Variants in SHANK1 observed in about 807,000 individuals in gnomAD.
SHANK1 encodes SH3 and multiple ankyrin repeat domains 1.
Under a neutral mutation model 165.6 loss-of-function variants are expected in SHANK1, and 35 were observed. The ratio of observed to expected loss-of-function variants is 0.21; its 90% CI spans 0.16 to 0.28. The LOEUF is 0.28. Among genes scored for constraint, SHANK1 ranks in the 10% least tolerant of loss-of-function variants. The pLI, the probability that SHANK1 is intolerant of heterozygous loss-of-function variation, is 1.00. For missense variants in SHANK1, 2,681 were observed against 3,036.4 expected, an observed-to-expected ratio of 0.88 and a Z score of 2.75; for synonymous variants, 1,428 against 1,384.8, an observed-to-expected ratio of 1.03 and a Z score of -0.69.
rs1352832473 is a variant in SHANK1 at position 50,702,249 on chromosome 19, C to T, written c.1747+218G>A. 3.3e-5 allele frequency among the ~76,000 whole-genome samples: 5 copies of T among 152,138 alleles called. No individual in the cohort carries two copies. Among genetic ancestry groups the T allele is most frequent in the East Asian group, 1.9e-4 (1 of 5,190 alleles). On this transcript the variant is annotated intron_variant, in intron 12 of 23. Transcript: ENST00000293441. This position sits in a 1 kb window ranked among gnomAD's most constrained non-coding sequence, Gnocchi z 5.3. ...TGCCCTGCACACGGCATCAGTGTCC[C>T]GCAGTGGGACACGGCTCACTTCACT...
At chr19:50,678,408 G>A (rs1271267932) in intron 21 of SHANK1, among the ~76,000 whole-genome samples, 1 of 151,924 alleles carries the variant, frequency 6.6e-6, no homozygotes, top group African/African-American at 2.4e-5. Flanking sequence ...ACCTGCATGG[G>A]GCACGGGGGC....
Position 50,667,892 on chromosome 19 carries a change from G to A in SHANK1, c.4068C>T (p.Ala1356=). The A allele has an allele frequency of 7.5e-7, 1 of 1,333,194 alleles. No individual in the cohort carries two copies. The highest frequency in any genetic ancestry group is 9.6e-7 in the Non-Finnish European group (1 of 1,046,278). The allele number at this position is 1,333,194 out of a possible 1,614,324, so 82.6% of individuals were successfully genotyped here. A position where few individuals can be genotyped will look rare whatever the true frequency, so the allele number is the denominator to read the frequency against. ...TCAGCGCTCGCTCGCGGGCGGCCAG[G>A]GCCAGCCCCAGCGGGGAGGCGGGAT... is the stretch of plus-strand genomic sequence containing the variant. ...ALDPASPLGL[A]LAARERALKE... is the part of the protein sequence containing the mutation. The change falls in exon 23 of 24, where the codon GCC becomes GCT. Residue 1356 remains alanine (A), a synonymous_variant. Transcript: ENST00000293441. This position sits in a 1 kb window ranked among gnomAD's most constrained non-coding sequence, Gnocchi z 5.7.
chr19:50,717,043 T>G lies in SHANK1; in HGVS notation c.-43-81A>C. 1.7e-6 allele frequency: 2 copies of G among 1,210,758 alleles called. No individual in the cohort carries two copies. Among genetic ancestry groups the G allele is most frequent in the South Asian group, 4.5e-5 (2 of 44,284 alleles). The allele number at this position is 1,210,758 out of a possible 1,614,324, so 75.0% of individuals were successfully genotyped here. ...CAGGCGCTATTCGGTGGTCAAGCGG[T>G]CAAGGGCAGCCTACCCCCACTGCCC... On this transcript the variant is annotated intron_variant, in intron 1 of 23. Coordinates refer to ENST00000293441, the MANE Select transcript of SHANK1 (RefSeq NM_016148.5). The surrounding 1 kb of genome is among the most constrained non-coding windows in gnomAD (Gnocchi z 5.5).
At chr19:50,689,862 A>T (rs2123139179) in intron 15 of SHANK1, among the ~76,000 whole-genome samples, 1 of 152,272 alleles carries the variant, frequency 6.6e-6, no homozygotes, top group East Asian at 1.9e-4. Context: ...ACCCCTCAAA[A>T]TTCCTTTATA....
chr19:50,698,656 G>T (rs73932564), intron 12 of SHANK1, among the ~76,000 whole-genome samples: 1 of 152,136 alleles, frequency 6.6e-6, no homozygotes, highest in African/African-American at 2.4e-5. Flanking sequence ...ACCCTAAGAG[G>T]GGCCACTTTC....
intron 23 of SHANK1, among the ~76,000 whole-genome samples, chr19:50,663,352 C>T (rs866885267): frequency 1.3e-5 from 2 of 152,044 alleles, no homozygotes; most frequent in South Asian, 4.1e-4. Context: ...TTCCCCTCAT[C>T]CCTTTCGTTC....
In SHANK1 at chr19:50,662,329, C is replaced by T; in HGVS notation, c.6122G>A (p.Gly2041Glu). Residue 2041 changes from glycine to glutamate, a missense_variant, in exon 24 of 24, where the codon GGA becomes GAA. Around this residue, in one of 10 missense-constraint regions of SHANK1, gnomAD observed 1,713 missense variants for 1,630.2 expected, o/e 1.05. Transcript: ENST00000293441. This position sits in a 1 kb window ranked among gnomAD's most constrained non-coding sequence, Gnocchi z 7.7. ...GLFDIRGSPT[G>E]GAGGSADPFA... ...GGGGTCAGCCGAGCCTCCTGCCCCT[C>T]CAGTTGGGGAGCCACGGATGTCAAA... is the stretch of plus-strand genomic sequence containing the variant. The T allele has an allele frequency of 6.2e-7, 1 of 1,606,082 alleles. No individual in the cohort carries two copies. The highest frequency in any genetic ancestry group is 8.5e-7 in the Non-Finnish European group (1 of 1,174,924).
Position 50,662,476 on chromosome 19 carries a change from G to A in SHANK1, c.5975C>T (p.Pro1992Leu). 6.4e-7 allele frequency: 1 copy of A among 1,553,738 alleles called. No homozygotes were observed. The highest frequency in any genetic ancestry group is 8.7e-7 in the Non-Finnish European group (1 of 1,149,446). ...GCTGGGGGCCCGGCGGAGCAGAGGG[G>A]GCCGCATCTCGAACTCCACGCCCTG... ...HLQGVEFEMR[P>L]PLLRRAPSPS... Residue 1992 changes from proline to leucine, a missense_variant, in exon 24 of 24, where the codon CCC becomes CTC. Coordinates refer to ENST00000293441, the MANE Select transcript of SHANK1 (RefSeq NM_016148.5). The surrounding 1 kb of genome is among the most constrained non-coding windows in gnomAD (Gnocchi z 7.7).
chr19:50,697,892 G>C lies in SHANK1; in HGVS notation c.1812C>G (p.Pro604=), dbSNP rs769513401. 2.5e-6 allele frequency: 4 copies of C among 1,614,008 alleles called. No homozygotes were observed. Among genetic ancestry groups the C allele is most frequent in the Non-Finnish European group, 3.4e-6 (4 of 1,180,022 alleles). ...TCGCCACTTCTTCCAGGCAGTCAGA[G>C]GGGAACCAGCCAACACGACCTTTGA... ...GQVKGRVGWF[P]SDCLEEVANR... The change falls in exon 13 of 24, where the codon CCC becomes CCG. Residue 604 remains proline (P), a synonymous_variant. Transcript: ENST00000293441. The surrounding 1 kb of genome is among the most constrained non-coding windows in gnomAD (Gnocchi z 4.7).
chr19:50,694,155 G>A (rs906424844), intron 15 of SHANK1, among the ~76,000 whole-genome samples: 4 of 151,796 alleles, frequency 2.6e-5, no homozygotes, highest in African/African-American at 9.7e-5. Flanking sequence ...GGGGTGGGCT[G>A]GGAGCCCACC....
chr19:50,711,787 C>T (rs1322851614), intron 7 of SHANK1, among the ~76,000 whole-genome samples, 160 bp downstream of exon 7: 2 of 152,182 alleles, frequency 1.3e-5, no homozygotes, highest in African/African-American at 4.8e-5. Context: ...CCCTTAGGGT[C>T]TTTCTGCCTT....
chr19:50,708,527 G>A (rs193031489), intron 8 of SHANK1, among the ~76,000 whole-genome samples: 1 of 139,292 alleles, frequency 7.2e-6, no homozygotes, highest in Non-Finnish European at 1.5e-5. Context: ...GCCAGATGCT[G>A]TGTCTGATTC....
At chr19:50,663,957 T>TTTTTAAG (rs1555739159) in intron 23 of SHANK1, among the ~76,000 whole-genome samples, 1 of 147,760 alleles carries the variant, frequency 6.8e-6, no homozygotes, top group African/African-American at 2.5e-5. Context: ...TTTTTTTTTT[T>TTTTTAAG]AAGACAGGGT....
chr19:50,666,917 C>A lies in SHANK1; in HGVS notation c.5043G>T (p.Arg1681=). 6.2e-7 allele frequency: 1 copy of A among 1,602,176 alleles called. No homozygotes were observed. The highest frequency in any genetic ancestry group is 1.7e-4 in the Middle Eastern group (1 of 6,046). ...TCTCCAGTGGGTGGTCACTGCTGCT[C>A]CGACTGTCCACCTCCTCGATGCCAG... ...TDSGIEEVDS[R]SSSDHPLETI... The change falls in exon 23 of 24, where the codon CGG becomes CGT. Residue 1681 remains arginine (R), a synonymous_variant. Transcript: ENST00000293441.
In SHANK1 at chr19:50,687,582, C is replaced by T. The variant is rs1986394764; in HGVS notation, c.2389G>A (p.Glu797Lys). 6.5e-7 allele frequency: 1 copy of T among 1,547,772 alleles called. No individual in the cohort carries two copies. The highest frequency in any genetic ancestry group is 1.4e-5 in the African/African-American group (1 of 72,810). The change falls in exon 19 of 24, where the codon GAG becomes AAG. Residue 797 changes from glutamate (E) to lysine (K), a missense_variant and splice_region_variant. By Grantham distance (56) the Glu-to-Lys change is moderately conservative (BLOSUM62 1). This residue lies in a region of SHANK1 where 206 missense variants were observed against 216.0 expected (regional missense o/e 0.95). Coordinates refer to ENST00000293441, the MANE Select transcript of SHANK1 (RefSeq NM_016148.5). ...KSMTSELEEM[E>K]YEQQPAPVPS... ...GGCCTCAGCAGCCCCGCAGGCTCAC[C>T]CATCTCCTCCAGCTCTGAGGTCATA...
chr19:50,708,542 C>T (rs1226612690), intron 8 of SHANK1, among the ~76,000 whole-genome samples: 1 of 141,428 alleles, frequency 7.1e-6, no homozygotes, highest in Non-Finnish European at 1.5e-5. Flanking sequence ...TGATTCATCT[C>T]ACATCCCCAA....
At chr19:50,684,668 C>T (rs895949665) in intron 21 of SHANK1, among the ~76,000 whole-genome samples, 1 of 152,154 alleles carries the variant, frequency 6.6e-6, no homozygotes, top group African/African-American at 2.4e-5. Flanking sequence ...CTCAACCTTT[C>T]CTCAATTAAA....
At position 50,659,853 on chromosome 19, in the gene SHANK1, A is replaced by C. The variant is rs543265003; in HGVS notation, c.*2112T>G. ...AGCCCTTGATAGACGGGCGCCGCGCAGGCCCCCTGCGGACTGGGGGCATCC... is the reference window on the plus strand; with the variant it reads ...AGCCCTTGATAGACGGGCGCCGCGCCGGCCCCCTGCGGACTGGGGGCATCC... On this transcript the variant is annotated 3_prime_UTR_variant, in exon 24 of 24. Coordinates refer to ENST00000293441, the MANE Select transcript of SHANK1 (RefSeq NM_016148.5). Among the ~76,000 whole-genome samples, 2,008 of 134,870 alleles carry C rather than the reference A, an allele frequency of 0.015. 14 individuals carry two copies. The highest frequency in any genetic ancestry group is 0.022 in the Non-Finnish European group (1,432 of 63,916). 88.5% of individuals were successfully genotyped at this position (134,870 alleles called of 152,430 possible).
rs1451214735 is a variant in SHANK1, at chr19:50,667,810, G to T, written c.4150C>A (p.Arg1384Ser). Residue 1384 changes from arginine to serine, a missense_variant, in exon 23 of 24, where the codon CGC (arginine) becomes AGC (serine). Arg to Ser is a moderately radical substitution (Grantham distance 110). This residue lies in a region of SHANK1 where 1,713 missense variants were observed against 1,630.2 expected (regional missense o/e 1.05). Coordinates refer to ENST00000293441, the MANE Select transcript of SHANK1 (RefSeq NM_016148.5). This position sits in a 1 kb window ranked among gnomAD's most constrained non-coding sequence, Gnocchi z 5.7. ...PQPPPRPPSP[R>S]YEAPPPTPHH... ...GGGGTGGGCGGCGGGGCCTCGTAGCGGGGCGATGGGGGCCTGGGAGGCGGC... is the reference window on the plus strand; with the variant it reads ...GGGGTGGGCGGCGGGGCCTCGTAGCTGGGCGATGGGGGCCTGGGAGGCGGC... 2.3e-6 allele frequency: 3 copies of T among 1,294,982 alleles called. No homozygotes were observed. Among genetic ancestry groups the T allele is most frequent in the East Asian group, 3.2e-5 (1 of 31,670 alleles). 80.2% of individuals were successfully genotyped at this position (1,294,982 alleles called of 1,614,324 possible).
Sources: gnomAD v4.1 joint callset for allele counts (sites outside exome capture counted in the v4.1 genomes callset) on GRCh38, gnomAD v4.1.1 for gene constraint, gnomAD v4.1.1 regional missense constraint, Gnocchi (gnomAD v3.1) non-coding constraint, MANE v1.5 for transcripts, NCBI Gene and HGNC (gene_info 2026-07-23, HGNC 2026-07-21) for gene names.